Variants in B4GALNT2 observed in about 807,000 individuals in gnomAD.
B4GALNT2 encodes N-acetylneuraminylgalactosylglucosyl-glucoside beta-1,4-N- acetylgalactosaminyltransferase 2.
B4GALNT2 carries 42 observed loss-of-function variants against 51.1 expected under a neutral mutation model. The observed-to-expected ratio is 0.82, with a 90% CI of 0.64 to 1.06. B4GALNT2 has a LOEUF of 1.06. Ranked by LOEUF, B4GALNT2 falls within the 50% of genes least tolerant of loss-of-function variation. B4GALNT2 has a pLI of 0.00. For synonymous variants in B4GALNT2, 253 were observed against 251.7 expected, an observed-to-expected ratio of 1.01 and a Z score of -0.05; for missense variants, 602 against 633.6, an observed-to-expected ratio of 0.95 and a Z score of 0.54.
intron 5 of B4GALNT2, among the ~76,000 whole-genome samples, chr17:49,157,192 A>G (rs1453941323): frequency 1.3e-5 from 2 of 151,800 alleles, no homozygotes; most frequent in African/African-American, 4.8e-5. Context: ...ACAGGGTCTC[A>G]CTCTGTCACC....
chr17:49,127,744 A>G (rs1404552625), upstream of B4GALNT2, among the ~76,000 whole-genome samples: 1 of 152,094 alleles, frequency 6.6e-6, no homozygotes, highest in Non-Finnish European at 1.5e-5. Context: ...TAGCTGGAAG[A>G]CAAAGACAGA....
Position 49,155,340 on chromosome 17 carries a change from C to T in B4GALNT2, c.461-1226C>T, listed in dbSNP as rs1421975082. Among the ~76,000 whole-genome samples the T allele has an allele frequency of 2.9e-5, 4 of 137,408 alleles. No individual in the cohort carries two copies. In the Admixed American group the frequency reaches 3.1e-4, roughly 11 times the overall value. 90.1% of individuals were successfully genotyped at this position (137,408 alleles called of 152,430 possible). The stretch of plus-strand genomic sequence containing the variant: ...AAAAAAGGACTGGTGCAGTGGCTCA[C>T]ACCTGTAATCCCAGCACTTTGGGAG... On this transcript the variant is annotated intron_variant, in intron 4 of 10. Transcript: ENST00000393354.
chr17:49,137,591 AC>A (rs1330672278), intron 1 of B4GALNT2, among the ~76,000 whole-genome samples: 1 of 152,174 alleles, frequency 6.6e-6, no homozygotes, highest in African/African-American at 2.4e-5. Context: ...AACCGTACAA[AC>A]CAGACCAAGG....
At chr17:49,156,520 A>G (rs2144318723) in intron 4 of B4GALNT2, 46 bp from the exon 5 acceptor site, 1 of 1,607,512 alleles carries the variant, frequency 6.2e-7, no homozygotes. Flanking sequence ...GGGAGCTGCG[A>G]TGTCTTTCAT....
At chr17:49,131,854 C>A (rs1051041673), upstream of B4GALNT2, among the ~76,000 whole-genome samples, 2 of 152,058 alleles carry the variant, frequency 1.3e-5, no homozygotes, top group East Asian at 1.9e-4. Flanking sequence ...AGATTCTTGC[C>A]GGTCGTGGTG....
chr17:49,143,964 A>T (rs1331036569), intron 3 of B4GALNT2, among the ~76,000 whole-genome samples: 3 of 152,204 alleles, frequency 2.0e-5, no homozygotes, highest in African/African-American at 7.2e-5. Flanking sequence ...CCTGGGCAAC[A>T]TGGCGAAACT....
intron 8 of B4GALNT2, among the ~76,000 whole-genome samples, chr17:49,165,431 C>A (rs1237505398): frequency 1.7e-5 from 2 of 115,206 alleles, no homozygotes; most frequent in Admixed American, 8.8e-5. Flanking sequence ...CTCTCTCTCT[C>A]CTCCCACCTC....
chr17:49,165,902 A>G (rs1233862981), intron 8 of B4GALNT2, among the ~76,000 whole-genome samples: 1 of 152,164 alleles, frequency 6.6e-6, no homozygotes, highest in African/African-American at 2.4e-5. Flanking sequence ...TGATCCACAC[A>G]GTCACTGTCC....
the B4GALNT2 span, among the ~76,000 whole-genome samples, chr17:49,126,128 G>C: frequency 6.6e-6 from 1 of 152,210 alleles, no homozygotes; most frequent in African/African-American, 2.4e-5. Context: ...AGTAGACATG[G>C]GAAACTTTTC....
At chr17:49,164,734 T>TA (rs760283574) in intron 8 of B4GALNT2, among the ~76,000 whole-genome samples, 37 of 151,884 alleles carry the variant, frequency 2.4e-4, no homozygotes, top group Non-Finnish European at 5.3e-4. Context: ...CTCTTGTCCT[T>TA]AGGTGATCCG....
At chr17:49,141,063 T>C (rs1404433130) in intron 1 of B4GALNT2, among the ~76,000 whole-genome samples, 184 bp from the exon 2 acceptor site, 1 of 151,952 alleles carries the variant, frequency 6.6e-6, no homozygotes, top group Non-Finnish European at 1.5e-5. Context: ...CTTTTATTTG[T>C]AATTTTTCTA....
At chr17:49,141,990 G>A in intron 2 of B4GALNT2, 45 bp from the exon 3 acceptor site, 1 of 1,611,022 alleles carries the variant, frequency 6.2e-7, no homozygotes, top group Non-Finnish European at 8.5e-7. Flanking sequence ...TCACCCACCA[G>A]CCTACCCACC....
intron 8 of B4GALNT2, among the ~76,000 whole-genome samples, chr17:49,165,244 C>A (rs2042900243): frequency 6.6e-6 from 1 of 151,716 alleles, no homozygotes; most frequent in South Asian, 2.1e-4. Context: ...GAGCTAGGGT[C>A]TTGGTCTCTC....
chr17:49,169,579 A>G lies in B4GALNT2; in HGVS notation c.1372A>G (p.Ile458Val), dbSNP rs1348585080. 1.9e-6 allele frequency: 3 copies of G among 1,612,882 alleles called. No homozygotes were observed. The highest frequency in any genetic ancestry group is 2.5e-6 in the Non-Finnish European group (3 of 1,180,044). ...LLVGSCPEVI[I>V]GHQSRSPVVD... ...CGTGGGGTCATGCCCAGAAGTGATT[A>G]TAGGTCACCAGTCTCGGTCTCCAGT... Residue 458 changes from isoleucine (I) to valine (V), a missense_variant, in exon 11 of 11, where the codon ATA becomes GTA. Ile to Val is a conservative substitution (Grantham distance 29, BLOSUM62 3). Coordinates refer to ENST00000393354, the MANE Select transcript of B4GALNT2 (RefSeq NM_001159387.2).
chr17:49,139,790 A>G (rs184842935), intron 1 of B4GALNT2, among the ~76,000 whole-genome samples: 1 of 152,200 alleles, frequency 6.6e-6, no homozygotes, highest in African/African-American at 2.4e-5. Flanking sequence ...TGCTCAGATT[A>G]TGGGCATGAG....
chr17:49,130,479 A>T (rs1462454332), upstream of B4GALNT2, among the ~76,000 whole-genome samples: 2 of 152,176 alleles, frequency 1.3e-5, no homozygotes, highest in Non-Finnish European at 2.9e-5. Context: ...TCTCTACTAA[A>T]AATACAAAAT....
At chr17:49,122,630 C>T in the B4GALNT2 span, among the ~76,000 whole-genome samples, 465 of 152,260 alleles carry the variant, frequency 3.1e-3, 2 homozygotes, top group African/African-American at 0.011. Context: ...CTTTTCAGCC[C>T]TTTCTTTAAA....
rs1003268680 is a variant in B4GALNT2 at position 49,156,734 on chromosome 17, A to T, written c.498+131A>T. 23 of 1,041,156 alleles carry T rather than the reference A, an allele frequency of 2.2e-5. 1 individual carries two copies. The highest frequency in any genetic ancestry group is 4.7e-4 in the Middle Eastern group (2 of 4,228). 64.5% of individuals were successfully genotyped at this position (1,041,156 alleles called of 1,614,324 possible). A position where few individuals can be genotyped will look rare whatever the true frequency, so the allele number is the denominator to read the frequency against. On this transcript the variant is annotated intron_variant, in intron 5 of 10. Transcript: ENST00000393354. Reference sequence around the variant, plus strand: ...AGACATGAGCCCAAGGAGGGAGGGGATGGAAGGGTGTGTAGAAAACTTAAC... The same window carrying T: ...AGACATGAGCCCAAGGAGGGAGGGGTTGGAAGGGTGTGTAGAAAACTTAAC...
intron 9 of B4GALNT2, among the ~76,000 whole-genome samples, chr17:49,167,608 CTTTTT>C (rs34497598): frequency 8.7e-6 from 1 of 115,068 alleles, no homozygotes; most frequent in Non-Finnish European, 1.7e-5. Context: ...CTCACCTACT[CTTTTT>C]TTTTTTTTTT....
Sources: allele counts gnomAD v4.1 joint callset (sites outside exome capture counted in the v4.1 genomes callset), GRCh38; gene constraint gnomAD v4.1.1; transcripts MANE v1.5; gene names NCBI Gene and HGNC (gene_info 2026-07-23, HGNC 2026-07-21).